COL19A1: variants seen among roughly 807,000 people sequenced by gnomAD.
COL19A1 encodes collagen alpha-1(XIX) chain.
In COL19A1, 159 loss-of-function variants were observed where a neutral mutation model predicts 190.2. The observed-to-expected ratio is 0.84, with a 90% CI of 0.73 to 0.95. COL19A1 has a LOEUF of 0.95. Among genes scored for constraint, COL19A1 ranks in the 40% least tolerant of loss-of-function variants. The pLI is 0.00. For synonymous variants in COL19A1, 509 were observed against 458.9 expected (o/e 1.11, Z -1.39); for missense variants, 1,418 against 1,431.9 (o/e 0.99, Z 0.16).
At chr6:70,181,251 G>A (rs1388749203) in intron 44 of COL19A1, among the ~76,000 whole-genome samples, 1 of 152,170 alleles carries the variant, frequency 6.6e-6, no homozygotes, top group Admixed American at 6.5e-5. Flanking sequence ...AATTCAGGAA[G>A]CCAGTTTGGC....
intron 9 of COL19A1, among the ~76,000 whole-genome samples, chr6:69,948,900 C>T (rs942604128): frequency 3.3e-5 from 5 of 151,764 alleles, no homozygotes; most frequent in Non-Finnish European, 7.4e-5. Flanking sequence ...GCCCTTGGTG[C>T]CCATTTGGTC....
At chr6:70,028,949 T>C (rs992382390) in intron 12 of COL19A1, among the ~76,000 whole-genome samples, 3 of 152,206 alleles carry the variant, frequency 2.0e-5, no homozygotes, top group Non-Finnish European at 4.4e-5. Flanking sequence ...TGTGGGGTTA[T>C]ACAATCTTAG....
intron 42 of COL19A1, among the ~76,000 whole-genome samples, chr6:70,179,471 G>A (rs1766029341): frequency 6.6e-6 from 1 of 152,158 alleles, no homozygotes; most frequent in Non-Finnish European, 1.5e-5. Flanking sequence ...TGGTCTGTCT[G>A]CTCCAGGATC....
intron 7 of COL19A1, among the ~76,000 whole-genome samples, chr6:69,934,621 C>A (rs1014258118): frequency 6.6e-6 from 1 of 151,704 alleles, no homozygotes; most frequent in African/African-American, 2.4e-5. Flanking sequence ...ACATTATGAA[C>A]AAAAGATTTT....
intron 14 of COL19A1, among the ~76,000 whole-genome samples, chr6:70,038,388 T>A (rs1249388890): frequency 6.6e-6 from 1 of 152,218 alleles, no homozygotes; most frequent in African/African-American, 2.4e-5. Flanking sequence ...TGAGAACCAT[T>A]ATTTATGGGA....
intron 11 of COL19A1, among the ~76,000 whole-genome samples, chr6:70,000,785 G>A (rs1235326336): frequency 1.3e-5 from 2 of 152,006 alleles, no homozygotes; most frequent in Non-Finnish European, 1.5e-5. Flanking sequence ...TGTCACATGG[G>A]TAGATTGAAA....
At chr6:69,899,680 T>C (rs1438321722) in intron 3 of COL19A1, among the ~76,000 whole-genome samples, 1 of 152,204 alleles carries the variant, frequency 6.6e-6, no homozygotes, top group Non-Finnish European at 1.5e-5. Context: ...TTGTTATCTT[T>C]CCTTTTGGTA....
intron 11 of COL19A1, among the ~76,000 whole-genome samples, chr6:70,023,131 C>CTTTTTTTTTTTTTTTTTTTTTTTT (rs1419955153): frequency 1.4e-5 from 2 of 142,230 alleles, no homozygotes; most frequent in Non-Finnish European, 1.5e-5. Flanking sequence ...TTTTATGCAG[C>CTTTTTTTTTTTTTTTTTTTTTTTT]TATTTTTTTT....
chr6:70,008,820 A>G (rs1419026164), intron 11 of COL19A1, among the ~76,000 whole-genome samples: 1 of 151,944 alleles, frequency 6.6e-6, no homozygotes, highest in Non-Finnish European at 1.5e-5. Flanking sequence ...AGCAAACTGA[A>G]TCCAATAACA....
chr6:70,115,086 G>A (rs565994556), intron 16 of COL19A1, among the ~76,000 whole-genome samples: 1 of 152,136 alleles, frequency 6.6e-6, no homozygotes, highest in Non-Finnish European at 1.5e-5. Context: ...TCAGCCTAAC[G>A]GTGGTGGAGG....
intron 1 of COL19A1, among the ~76,000 whole-genome samples, chr6:69,873,149 C>T (rs568280585): frequency 4.6e-5 from 7 of 152,214 alleles, no homozygotes; most frequent in African/African-American, 1.2e-4. Flanking sequence ...TCTGGATGTG[C>T]ACCCGCTCTC....
intron 6 of COL19A1, among the ~76,000 whole-genome samples, chr6:69,932,074 G>C (rs1199800108): frequency 1.3e-5 from 2 of 151,948 alleles, no homozygotes; most frequent in Non-Finnish European, 2.9e-5. Context: ...TCAATAATCA[G>C]TACTATTTAC....
chr6:69,906,882 T>G (rs924150958), intron 4 of COL19A1, among the ~76,000 whole-genome samples: 9 of 152,116 alleles, frequency 5.9e-5, no homozygotes, highest in Admixed American at 1.3e-4. Flanking sequence ...CTTTAGCAAG[T>G]AGGAAACCCA....
intron 11 of COL19A1, among the ~76,000 whole-genome samples, chr6:69,967,580 T>C (rs1265139230): frequency 6.6e-6 from 1 of 152,238 alleles, no homozygotes; most frequent in African/African-American, 2.4e-5. Flanking sequence ...CAAGTTCATA[T>C]GGTCCCTGCT....
At chr6:70,161,003 CTAAT>C (rs1787764340) in intron 34 of COL19A1, among the ~76,000 whole-genome samples, 1 of 152,052 alleles carries the variant, frequency 6.6e-6, no homozygotes, top group Admixed American at 6.6e-5. Flanking sequence ...AGTAACAAAA[CTAAT>C]TACATAAGTT....
Position 69,925,493 on chromosome 6 carries a change from G to T in COL19A1, c.267-2416G>T, listed in dbSNP as rs184382661. On this transcript the variant is annotated intron_variant, in intron 4 of 50. Transcript: ENST00000620364. The stretch of plus-strand genomic sequence containing the variant: ...ATGCTGTTTTGGTTACTGTAGCCTT[G>T]TAGTATAGTTTGAAGTCAGGTAGTG... Among the ~76,000 whole-genome samples the T allele has an allele frequency of 5.5e-3, 835 of 152,256 alleles. 19 individuals are homozygous for T. The East Asian group carries it at 0.069, about 13-fold the overall frequency.
At chr6:70,027,737 T>C (rs1778805955) in intron 12 of COL19A1, among the ~76,000 whole-genome samples, 1 of 152,238 alleles carries the variant, frequency 6.6e-6, no homozygotes, top group Non-Finnish European at 1.5e-5. Context: ...CTTGAAAATA[T>C]ATGACCTTGT....
intron 7 of COL19A1, among the ~76,000 whole-genome samples, chr6:69,935,967 A>G (rs535852477): frequency 6.6e-6 from 1 of 152,254 alleles, no homozygotes; most frequent in East Asian, 1.9e-4. Context: ...AAAATACTTT[A>G]CCATGCATTT....
chr6:70,058,650 T>G (rs1375209727), intron 14 of COL19A1, among the ~76,000 whole-genome samples: 1 of 151,318 alleles, frequency 6.6e-6, no homozygotes, highest in East Asian at 1.9e-4. Context: ...TAGGAAAATT[T>G]TTTTCTTATG....
Sources: allele counts gnomAD v4.1 joint callset (sites outside exome capture counted in the v4.1 genomes callset), GRCh38; gene constraint gnomAD v4.1.1; transcripts MANE v1.5; gene names NCBI Gene and HGNC (gene_info 2026-07-23, HGNC 2026-07-21).